Variants in PTPRM observed in about 807,000 individuals in gnomAD.
PTPRM encodes the protein protein tyrosine phosphatase receptor type M.
In PTPRM, 47 loss-of-function variants were observed where a neutral mutation model predicts 186.7. The observed-to-expected ratio is 0.25, with a 90% CI of 0.20 to 0.32. PTPRM has a LOEUF of 0.32. PTPRM is among the 10% of genes least tolerant of loss of function. The pLI, the probability that PTPRM is intolerant of heterozygous loss-of-function variation, is 1.00. For missense variants in PTPRM, 1,494 were observed against 1,865.0 expected (o/e 0.80, Z 3.66); for synonymous variants, 668 against 674.9 (o/e 0.99, Z 0.16).
chr18:8,193,784 C>A (rs555258307), intron 14 of PTPRM, among the ~76,000 whole-genome samples: 1 of 152,388 alleles, frequency 6.6e-6, no homozygotes, highest in Admixed American at 6.5e-5. Context: ...GCCCCTGTCT[C>A]TACTCCAGGC....
chr18:8,179,796 C>T (rs2093548247), intron 14 of PTPRM, among the ~76,000 whole-genome samples: 1 of 152,128 alleles, frequency 6.6e-6, no homozygotes, highest in South Asian at 2.1e-4. Flanking sequence ...AACAACCAGT[C>T]ATTTTACTTT....
intron 14 of PTPRM, among the ~76,000 whole-genome samples, chr18:8,226,290 A>G (rs1216506863): frequency 7.0e-6 from 1 of 143,572 alleles, no homozygotes; most frequent in Non-Finnish European, 1.5e-5. Flanking sequence ...ACACATACAT[A>G]CAAACACAAA....
rs146612270 is a variant in PTPRM, at chr18:8,222,531, G to A, written c.2301-21527G>A. ...CTGACAGAGTATGGGGGCTGGGGAC[G>A]GGATCTCTTCCGATTGCCATTTACT... On this transcript the variant is annotated intron_variant, in intron 14 of 32. Coordinates refer to ENST00000580170, the MANE Select transcript of PTPRM (RefSeq NM_001105244.2). 1.7e-4 allele frequency among the ~76,000 whole-genome samples: 26 copies of A among 152,294 alleles called. No homozygotes were observed. The East Asian group carries it at 3.3e-3, about 19-fold the overall frequency.
At chr18:8,104,551 C>T (rs1366899102) in intron 11 of PTPRM, among the ~76,000 whole-genome samples, 3 of 152,116 alleles carry the variant, frequency 2.0e-5, no homozygotes, top group African/African-American at 7.2e-5. Context: ...CTCAAGCGAT[C>T]CTCCCACCTC....
At chr18:7,923,054 C>T (rs1403939635) in intron 4 of PTPRM, among the ~76,000 whole-genome samples, 1 of 152,166 alleles carries the variant, frequency 6.6e-6, no homozygotes, top group Non-Finnish European at 1.5e-5. Context: ...TAGCATAATT[C>T]TGCTGCGAGA....
At chr18:8,368,595 G>A (rs144153329) in intron 23 of PTPRM, among the ~76,000 whole-genome samples, 32 of 152,272 alleles carry the variant, frequency 2.1e-4, no homozygotes, top group Admixed American at 5.2e-4. Flanking sequence ...AGGCTTCCCT[G>A]GAAGGGCACT....
intron 1 of PTPRM, among the ~76,000 whole-genome samples, chr18:7,653,368 A>G (rs1170977724): frequency 6.6e-6 from 1 of 152,068 alleles, no homozygotes; most frequent in African/African-American, 2.4e-5. Flanking sequence ...GCTTTGTTAT[A>G]TAGGTAAACT....
chr18:8,034,377 T>C (rs188307495), intron 7 of PTPRM, among the ~76,000 whole-genome samples: 48 of 152,240 alleles, frequency 3.2e-4, no homozygotes, highest in African/African-American at 1.0e-3. Context: ...AGTTTCATCA[T>C]CTAAATCATC....
chr18:8,023,867 C>CGT (rs1659240263), intron 7 of PTPRM, among the ~76,000 whole-genome samples: 1 of 145,548 alleles, frequency 6.9e-6, no homozygotes, highest in African/African-American at 2.5e-5. Flanking sequence ...CACACACACA[C>CGT]ACACGCACAC....
At chr18:8,040,896 T>C (rs2086650484) in intron 7 of PTPRM, among the ~76,000 whole-genome samples, 1 of 152,234 alleles carries the variant, frequency 6.6e-6, no homozygotes, top group Non-Finnish European at 1.5e-5. Flanking sequence ...AAAAATTAAC[T>C]CTGCTATTTA....
intron 14 of PTPRM, among the ~76,000 whole-genome samples, chr18:8,155,298 G>T (rs941897971): frequency 4.6e-5 from 7 of 152,024 alleles, no homozygotes; most frequent in Admixed American, 4.6e-4. Context: ...TTCTAAAATA[G>T]CTATAGATCT....
intron 14 of PTPRM, among the ~76,000 whole-genome samples, chr18:8,204,045 T>C (rs2093893846): frequency 6.6e-6 from 1 of 152,176 alleles, no homozygotes; most frequent in South Asian, 2.1e-4. Context: ...AAGATGGTTT[T>C]CTCTGAGACT....
chr18:8,110,774 A>G (rs2091718390), intron 11 of PTPRM, among the ~76,000 whole-genome samples: 1 of 152,222 alleles, frequency 6.6e-6, no homozygotes, highest in African/African-American at 2.4e-5. Flanking sequence ...TGATTCAGAT[A>G]CAGAAGGAAT....
intron 2 of PTPRM, among the ~76,000 whole-genome samples, chr18:7,796,358 G>A (rs1446919410): frequency 6.6e-6 from 1 of 152,152 alleles, no homozygotes; most frequent in East Asian, 1.9e-4. Flanking sequence ...ACACACATGC[G>A]TAACCTATAA....
chr18:7,788,126 G>A (rs557084868), intron 2 of PTPRM, among the ~76,000 whole-genome samples: 60 of 152,290 alleles, frequency 3.9e-4, no homozygotes, highest in African/African-American at 7.5e-4. Context: ...GAGAAGTTGA[G>A]AAGGAAAAGA....
chr18:7,949,106 C>A (rs539611448), intron 5 of PTPRM, 75 bp from the exon 6 acceptor site: 2 of 1,372,752 alleles, frequency 1.5e-6, no homozygotes, highest in African/African-American at 1.4e-5. Flanking sequence ...GGATAATATA[C>A]CATTGGGTGT....
intron 14 of PTPRM, among the ~76,000 whole-genome samples, chr18:8,150,884 C>T (rs898137308): frequency 9.2e-5 from 14 of 152,106 alleles, no homozygotes; most frequent in Non-Finnish European, 1.8e-4. Flanking sequence ...ACAGTCTGGC[C>T]CCTCTGCTGC....
chr18:7,713,754 A>C (rs1207282581), intron 1 of PTPRM, among the ~76,000 whole-genome samples: 1 of 152,158 alleles, frequency 6.6e-6, no homozygotes, highest in African/African-American at 2.4e-5. Context: ...ACAGACTTTA[A>C]ACCAACAAAG....
intron 6 of PTPRM, among the ~76,000 whole-genome samples, chr18:7,951,003 G>A (rs927118943): frequency 3.3e-5 from 5 of 152,170 alleles, no homozygotes; most frequent in Admixed American, 6.5e-5. Flanking sequence ...CTCGAGAATC[G>A]TCTGCAGCAG....
Sources: allele counts gnomAD v4.1 joint callset (sites outside exome capture counted in the v4.1 genomes callset), GRCh38; gene constraint gnomAD v4.1.1; transcripts MANE v1.5; gene names NCBI Gene and HGNC (gene_info 2026-07-23, HGNC 2026-07-21).